The following FBN2 variants were observed in gnomAD, a reference collection of about 807,000 sequenced individuals.
The protein encoded by FBN2 is fibrillin 2.
A neutral mutation model predicts 355.6 loss-of-function variants in FBN2; 105 were observed. The observed-to-expected ratio is 0.30, with a 90% CI of 0.25 to 0.35. The LOEUF is 0.35. Ranked by LOEUF, FBN2 falls within the 10% of genes least tolerant of loss-of-function variation. The pLI is 1.00. For synonymous variants in FBN2, 1,350 were observed against 1,301.2 expected (o/e 1.04, Z -0.81); for missense variants, 3,280 against 3,758.7 (o/e 0.87, Z 3.33).
intron 54 of FBN2, 122 bp from the exon 55 acceptor site, chr5:128,286,971 A>G: frequency 1.0e-6 from 1 of 993,142 alleles, no homozygotes; most frequent in South Asian, 1.4e-5. Context: ...AGAAAGGAGA[A>G]GCCCAGCCAT....
intron 5 of FBN2, among the ~76,000 whole-genome samples, chr5:128,512,850 G>A (rs1300032869): frequency 3.9e-5 from 6 of 152,154 alleles, no homozygotes; most frequent in Admixed American, 6.5e-5. Context: ...CTCTTAAAAC[G>A]ATATTAGCAT....
chr5:128,284,047 T>C (rs747961835), intron 55 of FBN2, among the ~76,000 whole-genome samples: 11 of 152,158 alleles, frequency 7.2e-5, no homozygotes, highest in Non-Finnish European at 1.5e-4. Context: ...TTTAAGACAG[T>C]CACCTAAATG....
At chr5:128,340,607 T>C (rs938941061) in intron 25 of FBN2, among the ~76,000 whole-genome samples, 57 of 152,274 alleles carry the variant, frequency 3.7e-4, no homozygotes, top group African/African-American at 1.3e-3. Context: ...TTTCATAGTA[T>C]AAACAGTGTG....
intron 48 of FBN2, among the ~76,000 whole-genome samples, chr5:128,298,736 A>T (rs1057325447): frequency 6.1e-4 from 93 of 151,908 alleles, no homozygotes; most frequent in Middle Eastern, 6.3e-3. Flanking sequence ...TTATACATTC[A>T]TCTAAATTTT....
chr5:128,261,180 C>A (rs1371312361), intron 64 of FBN2, among the ~76,000 whole-genome samples: 1 of 152,170 alleles, frequency 6.6e-6, no homozygotes, highest in Non-Finnish European at 1.5e-5. Flanking sequence ...AGGTAGTCTG[C>A]AGCCCACCCC....
intron 20 of FBN2, among the ~76,000 whole-genome samples, chr5:128,355,586 G>A (rs1425624542): frequency 6.6e-6 from 1 of 152,152 alleles, no homozygotes; most frequent in African/African-American, 2.4e-5. Flanking sequence ...ACCTGTGGAA[G>A]AGAAAGTTGC....
chr5:128,341,909 G>GGA (rs753791101), intron 25 of FBN2, among the ~76,000 whole-genome samples: 3 of 152,136 alleles, frequency 2.0e-5, no homozygotes, highest in Admixed American at 2.0e-4. Flanking sequence ...TTTCACTTTG[G>GGA]GAGAGAGAGA....
At chr5:128,335,076 A>T in intron 30 of FBN2, 94 bp downstream of exon 30, 2 of 1,551,466 alleles carry the variant, frequency 1.3e-6, no homozygotes, top group East Asian at 4.5e-5. Flanking sequence ...TAAAATAACA[A>T]CAGAAAAAGC....
In FBN2 at chr5:128,273,935, C is replaced by T. The variant is rs781201573; in HGVS notation, c.7745G>A (p.Cys2582Tyr). The T allele has an allele frequency of 6.2e-7, 1 of 1,613,866 alleles. No homozygotes were observed. Among genetic ancestry groups the T allele is most frequent in the Non-Finnish European group, 8.5e-7 (1 of 1,179,864 alleles). Reference protein sequence around the residue: ...NNECGSQPSLCGAKGICQNTP... With the variant: ...NNECGSQPSLYGAKGICQNTP... ...GTTTTGACAGATTCCCTTTGCTCCACAAAGCGAAGGTTGAGACCCACATTC... is the reference window on the plus strand; with the variant it reads ...GTTTTGACAGATTCCCTTTGCTCCATAAAGCGAAGGTTGAGACCCACATTC... The change falls in exon 61 of 65, where the codon TGT (cysteine) becomes TAT (tyrosine). Residue 2582 changes from cysteine to tyrosine, a missense_variant. This residue lies in a region of FBN2 where 2,284 missense variants were observed against 2,749.5 expected (regional missense o/e 0.83). Coordinates refer to ENST00000262464, the MANE Select transcript of FBN2 (RefSeq NM_001999.4).
chr5:128,290,338 T>C (rs552663703), intron 50 of FBN2, among the ~76,000 whole-genome samples: 1 of 152,346 alleles, frequency 6.6e-6, no homozygotes, highest in Non-Finnish European at 1.5e-5. Flanking sequence ...GCCATTGTGC[T>C]GACTCAGCTT....
chr5:128,461,429 G>A (rs1231558087), intron 6 of FBN2, among the ~76,000 whole-genome samples: 1 of 152,202 alleles, frequency 6.6e-6, no homozygotes, highest in African/African-American at 2.4e-5. Flanking sequence ...CAACCATTGT[G>A]GAAGACAGTA....
At chr5:128,469,486 G>A (rs1222212004) in intron 5 of FBN2, among the ~76,000 whole-genome samples, 3 of 141,792 alleles carry the variant, frequency 2.1e-5, no homozygotes, top group East Asian at 4.1e-4. Flanking sequence ...AGCCAAGATC[G>A]CACCACTGCG....
intron 25 of FBN2, among the ~76,000 whole-genome samples, chr5:128,342,769 C>A (rs145085279): frequency 0.044 from 6,615 of 151,074 alleles, 199 homozygotes; most frequent in East Asian, 0.061. Context: ...GCTCTCATTG[C>A]CCAGGCTGGA....
At chr5:128,416,684 G>A (rs1753209070) in intron 7 of FBN2, among the ~76,000 whole-genome samples, 1 of 152,148 alleles carries the variant, frequency 6.6e-6, no homozygotes, top group Non-Finnish European at 1.5e-5. Context: ...CCTCAATGTT[G>A]TTTTGGCACC....
chr5:128,433,718 T>C (rs1753688793), intron 7 of FBN2, among the ~76,000 whole-genome samples: 1 of 152,236 alleles, frequency 6.6e-6, no homozygotes, highest in Non-Finnish European at 1.5e-5. Context: ...CAAATTTTCC[T>C]CTGCCGTTCA....
At chr5:128,531,086 T>C (rs1171680201) in intron 2 of FBN2, among the ~76,000 whole-genome samples, 1 of 151,928 alleles carries the variant, frequency 6.6e-6, no homozygotes, top group Non-Finnish European at 1.5e-5. Context: ...AATTCACAAC[T>C]GAAAAATCGT....
chr5:128,375,942 G>A (rs1752066961), intron 14 of FBN2, among the ~76,000 whole-genome samples: 1 of 152,092 alleles, frequency 6.6e-6, no homozygotes, highest in South Asian at 2.1e-4. Context: ...GGAGGCTGAT[G>A]TGGGAGGATG....
In FBN2 at chr5:128,309,444, T is replaced by C. The variant is rs778140045; in HGVS notation, c.5201-45A>G. On this transcript the variant is annotated intron_variant, in intron 40 of 64. Transcript: ENST00000262464. ...GAAACTAGCCATTTGTATCCACGAG[T>C]AGTTTATAATGAAGCCCACACAGCT... 13 of 1,558,718 alleles carry C rather than the reference T, an allele frequency of 8.3e-6. No individual in the cohort carries two copies. The African/African-American group carries it at 1.8e-4, about 21-fold the overall frequency.
chr5:128,305,852 C>G lies in FBN2; in HGVS notation c.5519G>C (p.Ser1840Thr), dbSNP rs1289215534. 1 of 1,613,878 alleles carries G rather than the reference C, an allele frequency of 6.2e-7. No individual in the cohort carries two copies. The highest frequency in any genetic ancestry group is 8.5e-7 in the Non-Finnish European group (1 of 1,179,938). The change falls in exon 43 of 65, where the codon AGT becomes ACT. Residue 1840 changes from serine to threonine, a missense_variant. Physicochemically the swap from Ser to Thr is moderately conservative, Grantham distance 58. This residue lies in a region of FBN2 where 2,284 missense variants were observed against 2,749.5 expected (regional missense o/e 0.83). Coordinates refer to ENST00000262464, the MANE Select transcript of FBN2 (RefSeq NM_001999.4). ...ACAAACCAACAGCAGGTCATTGTAA[C>G]TGAATCCTGTAGGGCATTCACAGCG... ...SFRCECPTGF[S>T]YNDLLLVCED...
Sources: gnomAD v4.1 joint callset for allele counts (sites outside exome capture counted in the v4.1 genomes callset) on GRCh38, gnomAD v4.1.1 for gene constraint, gnomAD v4.1.1 regional missense constraint, MANE v1.5 for transcripts, NCBI Gene and HGNC (gene_info 2026-07-23, HGNC 2026-07-21) for gene names.